APLP2: variants seen among roughly 807,000 people sequenced by gnomAD.
The protein encoded by APLP2 is amyloid beta precursor like protein 2.
APLP2 carries 53 observed loss-of-function variants against 89.9 expected under a neutral mutation model. The observed-to-expected ratio is 0.59, with a 90% CI of 0.47 to 0.74. The LOEUF (loss-of-function observed/expected upper bound fraction) is 0.74. Ranked by LOEUF, APLP2 falls within the 30% of genes least tolerant of loss-of-function variation. The pLI is 0.00. For missense variants in APLP2, 973 were observed against 975.9 expected, an observed-to-expected ratio of 1.00 and a Z score of 0.04; for synonymous variants, 372 against 348.6, an observed-to-expected ratio of 1.07 and a Z score of -0.75.
At chr11:130,080,104 A>G (rs1942899440) in intron 1 of APLP2, among the ~76,000 whole-genome samples, 2 of 152,224 alleles carry the variant, frequency 1.3e-5, no homozygotes, top group Admixed American at 6.5e-5. Context: ...CTCTTTGCTA[A>G]TAAGTGAGTT....
intron 1 of APLP2, among the ~76,000 whole-genome samples, chr11:130,094,853 C>T (rs935629697): frequency 6.6e-6 from 1 of 152,044 alleles, no homozygotes; most frequent in South Asian, 2.1e-4. Flanking sequence ...AGTAACTGGT[C>T]CAGATGAAGC....
intron 1 of APLP2, among the ~76,000 whole-genome samples, chr11:130,093,106 G>A: frequency 6.6e-6 from 1 of 152,178 alleles, no homozygotes; most frequent in East Asian, 1.9e-4. Flanking sequence ...GTGAGGGACT[G>A]AGCAGTGAAA....
chr11:130,091,290 C>T (rs1349994475), intron 1 of APLP2, among the ~76,000 whole-genome samples: 271 of 134,490 alleles, frequency 2.0e-3, no homozygotes, highest in South Asian at 6.3e-3. Flanking sequence ...ACCTCCCTCC[C>T]GGACGGGGCG....
At chr11:130,103,913 A>C (rs1947280930) in intron 1 of APLP2, among the ~76,000 whole-genome samples, 1 of 152,222 alleles carries the variant, frequency 6.6e-6, no homozygotes, top group Admixed American at 6.5e-5. Flanking sequence ...TTTCAGACTT[A>C]ACTATAGGAG....
rs1477293078 is a variant in APLP2 at position 130,084,973 on chromosome 11, T to C, written c.105+14891T>C. Reference sequence around the variant, plus strand: ...AGATATGAAAGAGGAGACATTACAATTGATACCATGAAAATAAAAAGTATC... The same window carrying C: ...AGATATGAAAGAGGAGACATTACAACTGATACCATGAAAATAAAAAGTATC... On this transcript the variant is annotated intron_variant, in intron 1 of 16. Coordinates refer to ENST00000338167, the MANE Select transcript of APLP2 (RefSeq NM_001142276.2). Among the ~76,000 whole-genome samples the C allele has an allele frequency of 5.3e-5, 8 of 152,262 alleles. No homozygotes were observed. The East Asian group carries it at 1.4e-3, about 26-fold the overall frequency.
At chr11:130,127,672 T>C in intron 8 of APLP2, 94 bp from the exon 9 acceptor site, 1 of 1,036,614 alleles carries the variant, frequency 9.6e-7, no homozygotes, top group East Asian at 2.4e-5. Flanking sequence ...TGCAGTTTCC[T>C]GTGAGATTTA....
At chr11:130,089,790 G>A (rs1392494968) in intron 1 of APLP2, among the ~76,000 whole-genome samples, 1 of 152,208 alleles carries the variant, frequency 6.6e-6, no homozygotes, top group East Asian at 1.9e-4. Flanking sequence ...TTTTGGCAGC[G>A]TAACTCCATC....
chr11:130,141,877 A>T lies in APLP2; in HGVS notation c.1999-42A>T, dbSNP rs1952445749. On this transcript the variant is annotated intron_variant, in intron 15 of 16. Coordinates refer to ENST00000338167, the MANE Select transcript of APLP2 (RefSeq NM_001142276.2). This position sits in a 1 kb window ranked among gnomAD's most constrained non-coding sequence, Gnocchi z 4.2. ...GAGTTACTTGCCTCACGGCTGCCAG[A>T]TGGTCACTGGGACTTTTTTCCACGT... 1 of 1,571,298 alleles carries T rather than the reference A, an allele frequency of 6.4e-7. No individual in the cohort carries two copies. The highest frequency in any genetic ancestry group is 1.7e-5 in the Admixed American group (1 of 57,956).
chr11:130,091,861 T>G, intron 1 of APLP2, among the ~76,000 whole-genome samples: 1 of 96,520 alleles, frequency 1.0e-5, no homozygotes, highest in Admixed American at 9.7e-5. Flanking sequence ...GGCTGCCGGG[T>G]GGAGACGCTC....
Position 130,143,332 on chromosome 11 carries a change from G to A in APLP2, c.2155-15G>A. Reference sequence around the variant, plus strand: ...TCCCAGACACCACAATGACCCTCAGGTTTTGTTCTTCCAGGTTGATCCAAT... The same window carrying A: ...TCCCAGACACCACAATGACCCTCAGATTTTGTTCTTCCAGGTTGATCCAAT... On this transcript the variant is annotated splice_polypyrimidine_tract_variant and intron_variant, in intron 16 of 16. Transcript: ENST00000338167. The A allele has an allele frequency of 6.2e-7, 1 of 1,612,412 alleles. No individual in the cohort carries two copies. Among genetic ancestry groups the A allele is most frequent in the Non-Finnish European group, 8.5e-7 (1 of 1,178,820 alleles).
At chr11:130,143,012 C>A (rs1057194076) in intron 16 of APLP2, among the ~76,000 whole-genome samples, 2 of 152,188 alleles carry the variant, frequency 1.3e-5, no homozygotes, top group African/African-American at 4.8e-5. Context: ...TGCTTGCTAG[C>A]CTACTGCTGA....
chr11:130,129,177 C>T lies in APLP2; in HGVS notation c.1426C>T (p.Leu476=), dbSNP rs758609058. Residue 476 remains leucine, a synonymous_variant, in exon 10 of 17, where the codon CTG becomes TTG. Transcript: ENST00000338167. The stretch of plus-strand genomic sequence containing the variant: ...CCGTCGGATGGCTCTGGAGAACTAC[C>T]TGGCTGCCTTGCAGTCTGACCCGCC... The part of the protein sequence containing the change: ...DRRRMALENY[L]AALQSDPPRP... 42 of 1,613,894 alleles carry T rather than the reference C, an allele frequency of 2.6e-5. No homozygotes were observed. The East Asian group carries it at 7.1e-4, about 27-fold the overall frequency.
At chr11:130,111,247 C>T (rs1344489573) in intron 3 of APLP2, among the ~76,000 whole-genome samples, 1 of 152,116 alleles carries the variant, frequency 6.6e-6, no homozygotes, top group African/African-American at 2.4e-5. Flanking sequence ...GTTTGTTATG[C>T]AGAAACAGAG....
chr11:130,076,580 G>A (rs565048251), intron 1 of APLP2, among the ~76,000 whole-genome samples: 8 of 152,194 alleles, frequency 5.3e-5, no homozygotes, highest in Non-Finnish European at 8.8e-5. Flanking sequence ...CAGTGTGATG[G>A]GGGTAAGATT....
chr11:130,071,162 A>C (rs1941007857), intron 1 of APLP2, among the ~76,000 whole-genome samples: 1 of 152,222 alleles, frequency 6.6e-6, no homozygotes, highest in Non-Finnish European at 1.5e-5. Context: ...AATTTCAGAG[A>C]GACCTGAAGA....
At chr11:130,128,956 A>G (rs1950645989) in intron 9 of APLP2, 92 bp from the exon 10 acceptor site, 1 of 1,421,838 alleles carries the variant, frequency 7.0e-7, no homozygotes, top group Admixed American at 2.2e-5. Flanking sequence ...TCGCATGGGC[A>G]CTGACAGGAG....
chr11:130,096,624 A>G (rs1591789521), intron 1 of APLP2, among the ~76,000 whole-genome samples: 1 of 152,196 alleles, frequency 6.6e-6, no homozygotes, highest in East Asian at 1.9e-4. Context: ...AGGCCAAGGC[A>G]GGAGGATCAC....
At chr11:130,083,713 C>T (rs77385030) in intron 1 of APLP2, among the ~76,000 whole-genome samples, 3,956 of 151,966 alleles carry the variant, frequency 0.026, 156 homozygotes, top group African/African-American at 0.088. Flanking sequence ...TCATATTTTC[C>T]TTATCCATTC....
chr11:130,110,629 A>T lies in APLP2; in HGVS notation c.371A>T (p.Lys124Met). Residue 124 changes from lysine to methionine, a missense_variant, in exon 3 of 17, where the codon AAG (lysine) becomes ATG (methionine). Coordinates refer to ENST00000338167, the MANE Select transcript of APLP2 (RefSeq NM_001142276.2). ...TGCCGGAGGGACAAAAAGCAATGCA[A>T]GAGTCGCTTTGTTACACCTTTCAAG... is the stretch of plus-strand genomic sequence containing the variant. ...NWCRRDKKQC[K>M]SRFVTPFKCL... The T allele has an allele frequency of 1.2e-6, 2 of 1,613,898 alleles. No individual in the cohort carries two copies. Among genetic ancestry groups the T allele is most frequent in the Non-Finnish European group, 1.7e-6 (2 of 1,179,952 alleles).
Sources: gnomAD v4.1 joint callset for allele counts (sites outside exome capture counted in the v4.1 genomes callset) on GRCh38, gnomAD v4.1.1 for gene constraint, Gnocchi (gnomAD v3.1) non-coding constraint, MANE v1.5 for transcripts, NCBI Gene and HGNC (gene_info 2026-07-23, HGNC 2026-07-21) for gene names.